The following PCDHA3 variants were observed in gnomAD, a reference collection of about 807,000 sequenced individuals.
PCDHA3 encodes the protein protocadherin alpha 3, also known as protocadherin alpha-3.
Under a neutral mutation model 62.2 loss-of-function variants are expected in PCDHA3, and 41 were observed. That is an observed-to-expected ratio of 0.66 (90% CI 0.51 to 0.86). PCDHA3 has a LOEUF of 0.86. Ranked by LOEUF, PCDHA3 falls within the 40% of genes least tolerant of loss-of-function variation. PCDHA3 has a pLI of 0.00. For synonymous variants in PCDHA3, 640 were observed against 555.4 expected (o/e 1.15, Z -2.14); for missense variants, 1,304 against 1,241.2 (o/e 1.05, Z -0.76).
At chr5:140,970,135 G>C (rs1317802980) in intron 1 of PCDHA3, among the ~76,000 whole-genome samples, 1 of 152,016 alleles carries the variant, frequency 6.6e-6, no homozygotes, top group Non-Finnish European at 1.5e-5. Context: ...GAAGAGAAGG[G>C]AAAAAGAATT....
In PCDHA3 at chr5:140,802,580, G is replaced by C. The variant is rs782133433; in HGVS notation, c.1383G>C (p.Thr461=). ...NAPAFSQSEY[T]VFVKENNPPG... is the part of the protein sequence containing the mutation. ...CGGCATTCTCGCAGTCCGAGTACAC[G>C]GTGTTCGTGAAGGAGAACAACCCGC... is the stretch of plus-strand genomic sequence containing the variant. The change falls in exon 1 of 4, where the codon ACG becomes ACC. Residue 461 remains threonine (T), a synonymous_variant. Transcript: ENST00000522353. The C allele has an allele frequency of 6.2e-7, 1 of 1,613,926 alleles. No homozygotes were observed. Among genetic ancestry groups the C allele is most frequent in the Middle Eastern group, 1.7e-4 (1 of 6,010 alleles).
intron 1 of PCDHA3, among the ~76,000 whole-genome samples, chr5:140,957,202 A>G (rs75358038): frequency 1.8e-4 from 28 of 152,316 alleles, no homozygotes; most frequent in Non-Finnish European, 2.9e-4. Flanking sequence ...TGGGAATATA[A>G]ATAGGCACAA....
At chr5:140,828,948 C>G in intron 1 of PCDHA3, 1 of 1,614,170 alleles carries the variant, frequency 6.2e-7, no homozygotes, top group Non-Finnish European at 8.5e-7. Context: ...AGCCTTGTTG[C>G]AGCCATGGTT....
intron 1 of PCDHA3, chr5:140,814,980 A>G (rs2126660632): frequency 6.6e-6 from 1 of 152,188 alleles, no homozygotes; most frequent in Non-Finnish European, 1.5e-5. Context: ...CTTAAAGACT[A>G]TTTTGTGTGA....
intron 1 of PCDHA3, chr5:140,807,906 C>T: frequency 6.2e-7 from 1 of 1,614,074 alleles, no homozygotes; most frequent in Non-Finnish European, 8.5e-7. Context: ...GACAATGCCC[C>T]AGCTTTTGAC....
intron 1 of PCDHA3, among the ~76,000 whole-genome samples, chr5:140,831,826 A>G (rs1029398204): frequency 6.6e-6 from 1 of 152,198 alleles, no homozygotes; most frequent in African/African-American, 2.4e-5. Context: ...GATAAACACT[A>G]GTTTCAATGA....
At position 140,849,809 on chromosome 5, in the gene PCDHA3, G is replaced by T. The variant is rs147465571; in HGVS notation, c.2394+46218G>T. 1.1e-3 allele frequency: 1,794 copies of T among 1,598,496 alleles called. 170 individuals are homozygous for T. The highest frequency in any genetic ancestry group is 1.4e-3 in the Non-Finnish European group (1,689 of 1,167,928). On this transcript the variant is annotated intron_variant, in intron 1 of 3. Transcript: ENST00000522353. ...GGGGCTCGCCTTCACTGTGGGCCACGGCCAGGGTGTCTGTGGAGGTGGCCG... is the reference window on the plus strand; with the variant it reads ...GGGGCTCGCCTTCACTGTGGGCCACTGCCAGGGTGTCTGTGGAGGTGGCCG...
chr5:140,828,941 C>T (rs2150161087), intron 1 of PCDHA3: 5 of 1,614,196 alleles, frequency 3.1e-6, no homozygotes, highest in African/African-American at 2.7e-5. Context: ...TTTTAATAGC[C>T]TTGTTGCAGC....
intron 1 of PCDHA3, chr5:140,808,738 G>C (rs571920804): frequency 6.2e-7 from 1 of 1,612,030 alleles, no homozygotes; most frequent in African/African-American, 1.3e-5. Context: ...GCGGCAAGGT[G>C]TACGCGCTGC....
chr5:140,871,444 A>C (rs782085925), intron 1 of PCDHA3: 1 of 1,610,088 alleles, frequency 6.2e-7, no homozygotes, highest in Non-Finnish European at 8.5e-7. Context: ...AGGTCTGAAT[A>C]AAGAGGAGGA....
At chr5:140,830,280 G>T (rs2150184170) in intron 1 of PCDHA3, 1 of 1,613,766 alleles carries the variant, frequency 6.2e-7, no homozygotes, top group East Asian at 2.2e-5. Flanking sequence ...CCCACCGAGG[G>T]CGCGTGCACG....
intron 1 of PCDHA3, chr5:140,869,477 A>T: frequency 1.2e-6 from 2 of 1,614,208 alleles, no homozygotes; most frequent in African/African-American, 2.7e-5. Context: ...GAGGTGAAGG[A>T]CATTAACGAC....
At position 140,835,689 on chromosome 5, in the gene PCDHA3, T is replaced by C. The variant is rs2150242026; in HGVS notation, c.2394+32098T>C. The C allele has an allele frequency of 1.2e-5, 19 of 1,613,884 alleles. No homozygotes were observed. The Middle Eastern group carries it at 6.6e-4, about 56-fold the overall frequency. ...GCGGGACGGGGGCTCGCCTTCTCTG[T>C]GGGCCACTGCTAGCGTGTCCGTGGA... On this transcript the variant is annotated intron_variant, in intron 1 of 3. Coordinates refer to ENST00000522353, the MANE Select transcript of PCDHA3 (RefSeq NM_018906.3).
At chr5:140,817,409 G>A (rs1437672587) in intron 1 of PCDHA3, 1 of 152,240 alleles carries the variant, frequency 6.6e-6, no homozygotes, top group Admixed American at 6.5e-5. Flanking sequence ...TATTGTTGTT[G>A]AGTTGGTATA....
intron 1 of PCDHA3, chr5:140,853,297 G>A: frequency 2.0e-6 from 2 of 981,768 alleles, no homozygotes; most frequent in African/African-American, 3.5e-5. Context: ...TCTCAGAAGG[G>A]CTGTGAACAC....
chr5:140,925,641 TATAATA>T (rs10569930), intron 1 of PCDHA3, among the ~76,000 whole-genome samples: 8,694 of 143,320 alleles, frequency 0.061, 267 homozygotes, highest in Non-Finnish European at 0.068. Flanking sequence ...GAACTTAAAG[TATAATA>T]ATAATAATAA....
At chr5:140,857,952 C>G in intron 1 of PCDHA3, 1 of 1,597,470 alleles carries the variant, frequency 6.3e-7, no homozygotes, top group South Asian at 1.1e-5. Context: ...ACGACGCGCG[C>G]TCTGGATGAG....
intron 1 of PCDHA3, among the ~76,000 whole-genome samples, chr5:140,838,565 A>G (rs1275372671): frequency 2.0e-5 from 3 of 151,890 alleles, no homozygotes; most frequent in South Asian, 4.2e-4. Context: ...CCAGTACTGT[A>G]TTAGGGACAT....
intron 1 of PCDHA3, chr5:140,849,996 G>T (rs2150462323): frequency 6.3e-7 from 1 of 1,597,124 alleles, no homozygotes; most frequent in East Asian, 2.2e-5. Context: ...GCGGTTGGGC[G>T]AGCGCTCGCT....
Sources: allele counts gnomAD v4.1 joint callset (sites outside exome capture counted in the v4.1 genomes callset), GRCh38; gene constraint gnomAD v4.1.1; transcripts MANE v1.5; gene names NCBI Gene and HGNC (gene_info 2026-07-23, HGNC 2026-07-21).